Variants in NRXN1 observed in about 807,000 individuals in gnomAD.
The protein encoded by NRXN1 is neurexin 1.
Under a neutral mutation model 150.9 loss-of-function variants are expected in NRXN1, and 39 were observed. That is an observed-to-expected ratio of 0.26 (90% CI 0.20 to 0.34). The LOEUF is 0.34. Ranked by LOEUF, NRXN1 falls within the 10% of genes least tolerant of loss-of-function variation. The probability of loss-of-function intolerance (pLI) is 1.00; values close to 1 mark genes in which losing one functional copy is unlikely to be tolerated. For missense variants in NRXN1, 1,815 were observed against 1,949.9 expected (o/e 0.93, Z 1.30); for synonymous variants, 924 against 757.0 (o/e 1.22, Z -3.62).
chr2:50,521,619 G>A lies in NRXN1; in HGVS notation c.2374+7006C>T, dbSNP rs915482641. Among the ~76,000 whole-genome samples, 5 of 152,264 alleles carry A rather than the reference G, an allele frequency of 3.3e-5. No individual in the cohort carries two copies. In the East Asian group the frequency reaches 5.8e-4, roughly 18 times the overall value. On this transcript the variant is annotated intron_variant, in intron 12 of 22. Coordinates refer to ENST00000401669, the MANE Select transcript of NRXN1 (RefSeq NM_001330078.2). Reference sequence around the variant, plus strand: ...TTTGACCGTCCCCATGATTTAAAGAGCCTTGCCCACTTGACTTATGTACCA... The same window carrying A: ...TTTGACCGTCCCCATGATTTAAAGAACCTTGCCCACTTGACTTATGTACCA...
intron 5 of NRXN1, among the ~76,000 whole-genome samples, chr2:50,899,338 A>G (rs192818136): frequency 3.3e-5 from 5 of 152,292 alleles, no homozygotes; most frequent in Middle Eastern, 3.4e-3. Flanking sequence ...AAGGCTTGGA[A>G]CATTAAATGC....
At chr2:50,072,963 A>G (rs1054544164) in intron 19 of NRXN1, among the ~76,000 whole-genome samples, 3 of 152,228 alleles carry the variant, frequency 2.0e-5, no homozygotes, top group Admixed American at 6.5e-5. Flanking sequence ...AAACTTCAAA[A>G]TATTTTTGGC....
At chr2:50,865,746 T>G (rs529595832) in intron 5 of NRXN1, among the ~76,000 whole-genome samples, 1 of 147,136 alleles carries the variant, frequency 6.8e-6, no homozygotes, top group Non-Finnish European at 1.5e-5. Flanking sequence ...TGATAGTTTT[T>G]TTTTGGTGGT....
chr2:50,284,809 T>C (rs2071909261), intron 17 of NRXN1, among the ~76,000 whole-genome samples: 1 of 152,158 alleles, frequency 6.6e-6, no homozygotes, highest in Non-Finnish European at 1.5e-5. Flanking sequence ...TTATGAAGCA[T>C]ATTCAGTAAC....
chr2:50,357,978 T>A (rs567764910), intron 17 of NRXN1, among the ~76,000 whole-genome samples: 1 of 151,934 alleles, frequency 6.6e-6, no homozygotes, highest in African/African-American at 2.4e-5. Flanking sequence ...CACAAGGAGA[T>A]GGGGAACTCC....
chr2:50,477,258 A>T (rs913281264), intron 15 of NRXN1, among the ~76,000 whole-genome samples: 4 of 152,214 alleles, frequency 2.6e-5, no homozygotes, highest in African/African-American at 4.8e-5. Flanking sequence ...GCTGAAAAAA[A>T]TAAATAATTA....
chr2:50,460,065 T>C (rs970619197), intron 17 of NRXN1, among the ~76,000 whole-genome samples: 3 of 152,256 alleles, frequency 2.0e-5, no homozygotes, highest in South Asian at 2.1e-4. Flanking sequence ...TCCTTGAGAA[T>C]AGTTAGTCAA....
At position 50,827,017 on chromosome 2, in the gene NRXN1, G is replaced by C. The variant is rs561751706; in HGVS notation, c.832+94852C>G. Among the ~76,000 whole-genome samples, 6 of 152,290 alleles carry C rather than the reference G, an allele frequency of 3.9e-5. No homozygotes were observed. In the South Asian group the frequency reaches 1.2e-3, roughly 32 times the overall value. On this transcript the variant is annotated intron_variant, in intron 5 of 22. Coordinates refer to ENST00000401669, the MANE Select transcript of NRXN1 (RefSeq NM_001330078.2). ...AGCAGTAGGTATGGAGGAGAACATA[G>C]CATCATGATGCCACAGCAGAAAGTG...
At chr2:50,436,820 G>A (rs146541953) in intron 17 of NRXN1, among the ~76,000 whole-genome samples, 46 of 152,116 alleles carry the variant, frequency 3.0e-4, no homozygotes, top group African/African-American at 1.0e-3. Context: ...TTTTGCTGAG[G>A]GAGTCTTGCA....
chr2:50,174,906 A>G (rs562010110), intron 18 of NRXN1: 1 of 152,334 alleles, frequency 6.6e-6, no homozygotes, highest in South Asian at 2.1e-4. Flanking sequence ...AAACAGTAAC[A>G]TGCTATACTT....
chr2:50,457,382 A>G (rs1364310043), intron 17 of NRXN1, among the ~76,000 whole-genome samples: 2 of 152,108 alleles, frequency 1.3e-5, no homozygotes, highest in Non-Finnish European at 2.9e-5. Context: ...ATCCCCCTTT[A>G]ACAGAGACTG....
At chr2:49,924,142 C>T (rs1317134161) in intron 22 of NRXN1, among the ~76,000 whole-genome samples, 2 of 152,192 alleles carry the variant, frequency 1.3e-5, no homozygotes, top group African/African-American at 4.8e-5. Context: ...TAAATGAAAA[C>T]TTTCATTTTA....
At chr2:50,172,200 G>A (rs2060072731) in intron 18 of NRXN1, among the ~76,000 whole-genome samples, 1 of 152,046 alleles carries the variant, frequency 6.6e-6, no homozygotes, top group Admixed American at 6.6e-5. Flanking sequence ...ATTTTTGGTG[G>A]TATTGTCTTA....
intron 19 of NRXN1, among the ~76,000 whole-genome samples, chr2:50,059,530 G>T (rs560324684): frequency 5.3e-5 from 8 of 152,320 alleles, no homozygotes; most frequent in Admixed American, 2.6e-4. Flanking sequence ...GCCAGCTGAA[G>T]AAATTTGCAT....
intron 10 of NRXN1, among the ~76,000 whole-genome samples, chr2:50,531,695 C>T (rs1480462527): frequency 6.6e-6 from 1 of 152,100 alleles, no homozygotes; most frequent in African/African-American, 2.4e-5. Context: ...CACTTTCTAC[C>T]TATAGCATTA....
At chr2:49,981,208 C>A (rs1237659888) in intron 21 of NRXN1, among the ~76,000 whole-genome samples, 1 of 152,036 alleles carries the variant, frequency 6.6e-6, no homozygotes, top group African/African-American at 2.4e-5. Context: ...TTGATCCAAC[C>A]TCAAGACCCA....
intron 17 of NRXN1, among the ~76,000 whole-genome samples, chr2:50,352,728 A>T (rs1016727356): frequency 4.7e-5 from 7 of 149,414 alleles, no homozygotes; most frequent in African/African-American, 1.7e-4. Context: ...TAAGAGTAAG[A>T]TCAGAAAATG....
rs543353896 is a variant in NRXN1 at position 50,460,069 on chromosome 2, T to C, written c.3364+5373A>G. On this transcript the variant is annotated intron_variant, in intron 17 of 22. Coordinates refer to ENST00000401669, the MANE Select transcript of NRXN1 (RefSeq NM_001330078.2). ...ACCATTGTCTTTCCTTGAGAATAGT[T>C]AGTCAAGGTGACTAGCAAAACCTCC... is the stretch of plus-strand genomic sequence containing the variant. Among the ~76,000 whole-genome samples the C allele has an allele frequency of 2.6e-5, 4 of 152,242 alleles. No individual in the cohort carries two copies. In the South Asian group the frequency reaches 8.3e-4, roughly 32 times the overall value.
At chr2:50,516,942 T>A (rs2092648694) in intron 12 of NRXN1, among the ~76,000 whole-genome samples, 1 of 152,158 alleles carries the variant, frequency 6.6e-6, no homozygotes, top group Non-Finnish European at 1.5e-5. Flanking sequence ...TTTATAAACT[T>A]TAAAAAATCC....
Sources: gnomAD v4.1 joint callset for allele counts (sites outside exome capture counted in the v4.1 genomes callset) on GRCh38, gnomAD v4.1.1 for gene constraint, MANE v1.5 for transcripts, NCBI Gene and HGNC (gene_info 2026-07-23, HGNC 2026-07-21) for gene names.